The following TAFA2 variants were observed in gnomAD, a reference collection of about 807,000 sequenced individuals.
TAFA2 encodes chemokine-like protein TAFA-2.
Under a neutral mutation model 18.8 loss-of-function variants are expected in TAFA2, and 7 were observed. The ratio of observed to expected loss-of-function variants is 0.37; its 90% CI spans 0.21 to 0.70. The LOEUF (loss-of-function observed/expected upper bound fraction) is 0.70, where lower values mean the gene tolerates loss of function less well. Among genes scored for constraint, TAFA2 ranks in the 30% least tolerant of loss-of-function variants. The pLI, the probability that TAFA2 is intolerant of heterozygous loss-of-function variation, is 0.53. For missense variants in TAFA2, 122 were observed against 158.1 expected (o/e 0.77, Z 1.23); for synonymous variants, 60 against 54.2 (o/e 1.11, Z -0.47).
intron 2 of TAFA2, among the ~76,000 whole-genome samples, chr12:61,779,753 G>T (rs995650665): frequency 6.6e-6 from 1 of 151,768 alleles, no homozygotes; most frequent in Non-Finnish European, 1.5e-5. Context: ...TCTCTGAAAA[G>T]CTGCGATAGT....
chr12:62,173,183 C>CGG (rs1317448501), intron 1 of TAFA2, among the ~76,000 whole-genome samples: 7 of 152,020 alleles, frequency 4.6e-5, no homozygotes, highest in African/African-American at 1.4e-4. Context: ...GAGGCCGAGG[C>CGG]GGGAGGATCA....
chr12:61,775,463 C>G (rs1592380513), intron 2 of TAFA2, among the ~76,000 whole-genome samples: 1 of 151,264 alleles, frequency 6.6e-6, no homozygotes, highest in Admixed American at 6.6e-5. Context: ...ATTATTCAAG[C>G]TAAAAAAAAT....
intron 1 of TAFA2, among the ~76,000 whole-genome samples, chr12:62,188,267 A>G (rs77948284): frequency 0.01 from 1,555 of 151,238 alleles, 21 homozygotes; most frequent in African/African-American, 0.03. Context: ...ATTGCACAGT[A>G]AGGTTCCTTA....
At position 61,736,373 on chromosome 12, in the gene TAFA2, C is replaced by T. The variant is rs1033283159; in HGVS notation, c.384+17249G>A. ...TGGGATGAGGGGAGGAGAAACTTAA[C>T]GATATCACCTGATCTATTACTAAAA... On this transcript the variant is annotated intron_variant, in intron 4 of 4. Coordinates refer to ENST00000416284, the MANE Select transcript of TAFA2 (RefSeq NM_178539.5). Among the ~76,000 whole-genome samples the T allele has an allele frequency of 1.1e-4, 17 of 151,956 alleles. No individual in the cohort carries two copies. In the South Asian group the frequency reaches 1.2e-3, roughly 11 times the overall value.
intron 1 of TAFA2, among the ~76,000 whole-genome samples, chr12:61,897,004 A>G (rs1299411360): frequency 6.6e-6 from 1 of 152,202 alleles, no homozygotes; most frequent in African/African-American, 2.4e-5. Context: ...TTCATGCAAT[A>G]TTACTTTTCC....
At chr12:61,891,825 T>C (rs1179097783) in intron 1 of TAFA2, among the ~76,000 whole-genome samples, 1 of 151,920 alleles carries the variant, frequency 6.6e-6, no homozygotes, top group Admixed American at 6.6e-5. Flanking sequence ...CTGGCAGAAG[T>C]CAGTCCACAG....
intron 2 of TAFA2, among the ~76,000 whole-genome samples, chr12:61,802,886 AAAG>A (rs1592398966): frequency 1.3e-5 from 2 of 152,018 alleles, no homozygotes; most frequent in African/African-American, 4.8e-5. Context: ...ATGGTAACAA[AAAG>A]AAAAAATTAC....
chr12:61,955,635 ATATAT>A (rs1878660227), intron 1 of TAFA2, among the ~76,000 whole-genome samples: 19 of 12,462 alleles, frequency 1.5e-3, no homozygotes, highest in Non-Finnish European at 3.1e-3. Context: ...AAAAAAAAAT[ATATAT>A]ATATATATAT....
chr12:61,895,503 A>G lies in TAFA2; in HGVS notation c.-1-28077T>C, dbSNP rs143312510. ...CTCTTATGGCTAAGTTTAAAAACTGATACCTGAGATTTACTCAAAGTTTCC... is the reference window on the plus strand; with the variant it reads ...CTCTTATGGCTAAGTTTAAAAACTGGTACCTGAGATTTACTCAAAGTTTCC... On this transcript the variant is annotated intron_variant, in intron 1 of 4. Coordinates refer to ENST00000416284, the MANE Select transcript of TAFA2 (RefSeq NM_178539.5). Among the ~76,000 whole-genome samples the G allele has an allele frequency of 5.3e-5, 8 of 152,302 alleles. No homozygotes were observed. The East Asian group carries it at 1.5e-3, about 29-fold the overall frequency.
chr12:61,933,318 T>C (rs1398831474), intron 1 of TAFA2, among the ~76,000 whole-genome samples: 1 of 152,164 alleles, frequency 6.6e-6, no homozygotes, highest in Non-Finnish European at 1.5e-5. Flanking sequence ...TCCACCTTTA[T>C]GTAATGGATA....
At chr12:61,907,431 T>C (rs1452150307) in intron 1 of TAFA2, among the ~76,000 whole-genome samples, 1 of 152,230 alleles carries the variant, frequency 6.6e-6, no homozygotes, top group Non-Finnish European at 1.5e-5. Flanking sequence ...ACATGTGGTG[T>C]TGGGCCTGTT....
chr12:62,258,499 GCA>G (rs2062953055), intron 1 of TAFA2: 1 of 153,864 alleles, frequency 6.5e-6, no homozygotes, highest in South Asian at 1.7e-4. Context: ...ATGAAGGAGA[GCA>G]CAGTTTTGCC....
Position 61,905,338 on chromosome 12 carries a change from A to C in TAFA2, c.-1-37912T>G, listed in dbSNP as rs1197603835. 9.9e-5 allele frequency among the ~76,000 whole-genome samples: 15 copies of C among 152,282 alleles called. 1 individual carries two copies. Among genetic ancestry groups the C allele is most frequent in the Admixed American group, 8.5e-4 (13 of 15,288 alleles). On this transcript the variant is annotated intron_variant, in intron 1 of 4. Transcript: ENST00000416284. ...TAAGTACCACAAAAGAAAGACCAGT[A>C]AATTGTCAGTTCTTTTGAAACTATA...
At chr12:61,773,282 A>G (rs1870111440) in intron 2 of TAFA2, among the ~76,000 whole-genome samples, 1 of 151,932 alleles carries the variant, frequency 6.6e-6, no homozygotes, top group Admixed American at 6.6e-5. Context: ...TCATACTGCC[A>G]AATGCAATTC....
At chr12:61,795,577 T>G (rs1318969922) in intron 2 of TAFA2, among the ~76,000 whole-genome samples, 1 of 150,976 alleles carries the variant, frequency 6.6e-6, no homozygotes, top group African/African-American at 2.4e-5. Flanking sequence ...CCAGGGCCTG[T>G]TGGGTGGGGG....
At chr12:61,901,177 A>G (rs1876081536) in intron 1 of TAFA2, among the ~76,000 whole-genome samples, 1 of 152,084 alleles carries the variant, frequency 6.6e-6, no homozygotes, top group South Asian at 2.1e-4. Context: ...TCTTTTCCCA[A>G]TAGTGTTTTG....
upstream of TAFA2, among the ~76,000 whole-genome samples, chr12:62,196,578 G>C (rs1355440677): frequency 6.6e-6 from 1 of 152,118 alleles, no homozygotes; most frequent in Non-Finnish European, 1.5e-5. Context: ...GGAGTTGGGG[G>C]AACAGCCAGT....
chr12:61,803,968 C>G (rs1486069698), intron 2 of TAFA2, among the ~76,000 whole-genome samples: 1 of 151,928 alleles, frequency 6.6e-6, no homozygotes, highest in Non-Finnish European at 1.5e-5. Flanking sequence ...TATGTTAATG[C>G]CTTTAACATT....
At chr12:61,793,803 G>C (rs1871081663) in intron 2 of TAFA2, among the ~76,000 whole-genome samples, 1 of 151,504 alleles carries the variant, frequency 6.6e-6, no homozygotes, top group Admixed American at 6.6e-5. Flanking sequence ...AGAAACCATG[G>C]GAAAATATCC....
Sources: allele counts gnomAD v4.1 joint callset (sites outside exome capture counted in the v4.1 genomes callset), GRCh38; gene constraint gnomAD v4.1.1; transcripts MANE v1.5; gene names NCBI Gene and HGNC (gene_info 2026-07-23, HGNC 2026-07-21).